DLG2: variants seen among roughly 807,000 people sequenced by gnomAD.
DLG2 encodes disks large homolog 2.
In DLG2, 45 loss-of-function variants were observed where a neutral mutation model predicts 132.5. The ratio of observed to expected loss-of-function variants is 0.34; its 90% CI spans 0.27 to 0.44. The LOEUF is 0.44. Ranked by LOEUF, DLG2 falls within the 20% of genes least tolerant of loss-of-function variation. The pLI is 1.00. For synonymous variants in DLG2, 424 were observed against 419.6 expected (o/e 1.01, Z -0.13); for missense variants, 1,045 against 1,196.9 (o/e 0.87, Z 1.87).
At chr11:84,324,906 C>T (rs979733941) in intron 7 of DLG2, among the ~76,000 whole-genome samples, 2 of 151,802 alleles carry the variant, frequency 1.3e-5, no homozygotes, top group African/African-American at 2.4e-5. Flanking sequence ...AATTAAGTTC[C>T]AGATTTTTTG....
intron 6 of DLG2, among the ~76,000 whole-genome samples, chr11:84,795,241 T>C (rs1005546207): frequency 6.6e-6 from 1 of 150,510 alleles, no homozygotes; most frequent in African/African-American, 2.5e-5. Flanking sequence ...CCTCTTTGCT[T>C]AGAGCTGAAC....
intron 19 of DLG2, among the ~76,000 whole-genome samples, chr11:83,581,174 C>A (rs750348202): frequency 4.6e-5 from 7 of 151,948 alleles, no homozygotes; most frequent in Non-Finnish European, 7.4e-5. Context: ...GTTGGTGACA[C>A]ACAACTCTAA....
intron 7 of DLG2, among the ~76,000 whole-genome samples, chr11:84,355,344 C>A (rs905568486): frequency 6.6e-6 from 1 of 151,966 alleles, no homozygotes; most frequent in East Asian, 1.9e-4. Context: ...TCCTAACCAC[C>A]AAGATGATGA....
chr11:85,249,887 A>C (rs1048538375), intron 4 of DLG2, among the ~76,000 whole-genome samples: 1 of 152,194 alleles, frequency 6.6e-6, no homozygotes, highest in African/African-American at 2.4e-5. Context: ...TATTTCGGGA[A>C]GAATGCTAGA....
chr11:83,535,691 C>T (rs866150254), intron 20 of DLG2, among the ~76,000 whole-genome samples: 2 of 152,034 alleles, frequency 1.3e-5, no homozygotes, highest in Non-Finnish European at 2.9e-5. Context: ...ATGGAGGTCA[C>T]ATACTTCCAG....
intron 17 of DLG2, among the ~76,000 whole-genome samples, chr11:83,815,977 G>A (rs2048779943): frequency 6.6e-6 from 1 of 152,032 alleles, no homozygotes; most frequent in African/African-American, 2.4e-5. Context: ...ACCCACTCTG[G>A]CTCCTGAGCC....
chr11:84,732,042 G>C (rs1299434949), intron 6 of DLG2, among the ~76,000 whole-genome samples: 2 of 151,938 alleles, frequency 1.3e-5, no homozygotes, highest in Admixed American at 6.6e-5. Context: ...TACAATATGT[G>C]TTTGGAGTCT....
At chr11:84,141,680 G>T (rs1038259417) in intron 9 of DLG2, among the ~76,000 whole-genome samples, 1 of 152,104 alleles carries the variant, frequency 6.6e-6, no homozygotes, top group Admixed American at 6.6e-5. Flanking sequence ...ATTAGTGGCT[G>T]CAGGTGTCTC....
chr11:85,379,868 T>C (rs990097140), intron 3 of DLG2, among the ~76,000 whole-genome samples: 1 of 152,228 alleles, frequency 6.6e-6, no homozygotes, highest in Non-Finnish European at 1.5e-5. Context: ...GAAAATAATT[T>C]CAATTCCAAA....
intron 3 of DLG2, among the ~76,000 whole-genome samples, chr11:85,462,508 G>A (rs2092649353): frequency 6.6e-6 from 1 of 152,140 alleles, no homozygotes; most frequent in African/African-American, 2.4e-5. Context: ...CTAGGGACAT[G>A]GATGGAGCTG....
At chr11:84,846,114 T>C (rs77844336) in intron 6 of DLG2, among the ~76,000 whole-genome samples, 3 of 152,130 alleles carry the variant, frequency 2.0e-5, no homozygotes, top group Admixed American at 1.3e-4. Flanking sequence ...TTCAAGGTGA[T>C]CTCATCTAGA....
At chr11:83,980,087 G>A (rs1331684525) in intron 12 of DLG2, among the ~76,000 whole-genome samples, 1 of 152,046 alleles carries the variant, frequency 6.6e-6, no homozygotes, top group Admixed American at 6.6e-5. Flanking sequence ...ATCATATGTT[G>A]AAGCCCTAAC....
intron 3 of DLG2, among the ~76,000 whole-genome samples, chr11:85,490,848 A>ATCCTCC (rs2093542436): frequency 6.6e-6 from 1 of 152,152 alleles, no homozygotes; most frequent in Admixed American, 6.5e-5. Context: ...CAAAAGTACA[A>ATCCTCC]AGAAAAACTA....
At chr11:85,578,307 A>T (rs1197299190) in intron 3 of DLG2, among the ~76,000 whole-genome samples, 1 of 152,198 alleles carries the variant, frequency 6.6e-6, no homozygotes, top group Non-Finnish European at 1.5e-5. Context: ...AACCTAGGCA[A>T]TGCCATTCTG....
rs529317330 is a variant in DLG2, at chr11:85,528,093, C to T, written c.40+70564G>A. Among the ~76,000 whole-genome samples the T allele has an allele frequency of 6.6e-5, 10 of 152,126 alleles. No individual in the cohort carries two copies. The East Asian group carries it at 7.7e-4, about 12-fold the overall frequency. ...TAGATTCTGGATATTAGACCTTTGT[C>T]GGATGGATAGATTTCAAAAATTTTC... is the stretch of plus-strand genomic sequence containing the variant. On this transcript the variant is annotated intron_variant, in intron 3 of 27. Coordinates refer to ENST00000376104, the MANE Select transcript of DLG2 (RefSeq NM_001142699.3).
intron 18 of DLG2, among the ~76,000 whole-genome samples, chr11:83,687,232 G>A (rs759769489): frequency 3.8e-4 from 58 of 152,108 alleles, no homozygotes; most frequent in Non-Finnish European, 1.9e-4. Flanking sequence ...CCCAGTTTAC[G>A]GTACTTTGTT....
chr11:84,484,629 T>C (rs937904183), intron 7 of DLG2, among the ~76,000 whole-genome samples: 2 of 152,200 alleles, frequency 1.3e-5, no homozygotes, highest in African/African-American at 4.8e-5. Flanking sequence ...AGCAGTATCT[T>C]GTAAGCTTTA....
At chr11:83,930,068 T>G (rs1337263278) in intron 15 of DLG2, among the ~76,000 whole-genome samples, 1 of 152,168 alleles carries the variant, frequency 6.6e-6, no homozygotes, top group East Asian at 1.9e-4. Flanking sequence ...AATGCCTTAT[T>G]AAAATGTATA....
chr11:83,687,308 G>A (rs774080193), intron 18 of DLG2, among the ~76,000 whole-genome samples: 11 of 152,140 alleles, frequency 7.2e-5, no homozygotes, highest in African/African-American at 1.7e-4. Flanking sequence ...TGAGGAAATC[G>A]CAGCTGAGAA....
Sources: allele counts gnomAD v4.1 joint callset (sites outside exome capture counted in the v4.1 genomes callset), GRCh38; gene constraint gnomAD v4.1.1; transcripts MANE v1.5; gene names NCBI Gene and HGNC (gene_info 2026-07-23, HGNC 2026-07-21).